PLXNC1: variants seen among roughly 807,000 people sequenced by gnomAD.
The protein encoded by PLXNC1 is plexin-C1.
A neutral mutation model predicts 178.2 loss-of-function variants in PLXNC1; 75 were observed. That is an observed-to-expected ratio of 0.42 (90% CI 0.35 to 0.51). PLXNC1 has a LOEUF of 0.51. Ranked by LOEUF, PLXNC1 falls within the 20% of genes least tolerant of loss-of-function variation. The pLI is 0.02. For synonymous variants in PLXNC1, 790 were observed against 779.9 expected (o/e 1.01, Z -0.22); for missense variants, 1,503 against 1,984.4 (o/e 0.76, Z 4.61).
At position 94,149,988 on chromosome 12, in the gene PLXNC1, C is replaced by T; in HGVS notation, c.1017C>T (p.Arg339=). ...TCAGAATGAGTGAGATCCAGGCGCG[C>T]GCCAAGAGGGTCAGCTGGGACTTCA... is the stretch of plus-strand genomic sequence containing the variant. The part of the protein sequence containing the change: ...CLFRMSEIQA[R]AKRVSWDFKT... The change falls in exon 1 of 31, where the codon CGC becomes CGT. Residue 339 remains arginine (R), a synonymous_variant. Coordinates refer to ENST00000258526, the MANE Select transcript of PLXNC1 (RefSeq NM_005761.3). 6.3e-7 allele frequency: 1 copy of T among 1,595,644 alleles called. No homozygotes were observed. The highest frequency in any genetic ancestry group is 2.3e-5 in the East Asian group (1 of 44,038).
At position 94,248,426 on chromosome 12, in the gene PLXNC1, C is replaced by T; in HGVS notation, c.2778+14C>T. 2 of 1,582,612 alleles carry T rather than the reference C, an allele frequency of 1.3e-6. No homozygotes were observed. The highest frequency in any genetic ancestry group is 8.6e-7 in the Non-Finnish European group (1 of 1,162,610). On this transcript the variant is annotated intron_variant, in intron 14 of 30. Transcript: ENST00000258526. ...AAGAAAGTTCGGGTAAGTGACCTGGCAGTCCCACCTGCTGTCTTTACCTGA... is the reference window on the plus strand; with the variant it reads ...AAGAAAGTTCGGGTAAGTGACCTGGTAGTCCCACCTGCTGTCTTTACCTGA...
chr12:94,185,121 G>A (rs1468299150), intron 3 of PLXNC1, among the ~76,000 whole-genome samples: 3 of 152,208 alleles, frequency 2.0e-5, no homozygotes, highest in Non-Finnish European at 4.4e-5. Flanking sequence ...ATCCATCAGT[G>A]TTACAGAGGC....
intron 3 of PLXNC1, among the ~76,000 whole-genome samples, chr12:94,183,934 A>G (rs1261661059): frequency 6.6e-6 from 1 of 152,200 alleles, no homozygotes; most frequent in Non-Finnish European, 1.5e-5. Flanking sequence ...ACAAAGTCCA[A>G]GGAAGGCTCT....
intron 4 of PLXNC1, among the ~76,000 whole-genome samples, chr12:94,203,602 A>G (rs1329433715): frequency 1.3e-5 from 2 of 152,174 alleles, no homozygotes; most frequent in South Asian, 2.1e-4. Flanking sequence ...AATTAGGTGT[A>G]GTAGTAAGAG....
intron 28 of PLXNC1, among the ~76,000 whole-genome samples, chr12:94,302,056 T>C (rs1380590328): frequency 1.3e-5 from 2 of 152,156 alleles, no homozygotes; most frequent in Non-Finnish European, 2.9e-5. Flanking sequence ...CCTTCTAAAC[T>C]TTTCCTTTTC....
intron 4 of PLXNC1, among the ~76,000 whole-genome samples, chr12:94,195,773 T>C (rs1240799923): frequency 6.6e-6 from 1 of 152,190 alleles, no homozygotes; most frequent in Non-Finnish European, 1.5e-5. Context: ...TCTCGCTCGG[T>C]CTAACAGCAG....
At chr12:94,297,140 T>C in intron 24 of PLXNC1, 49 bp from the exon 25 acceptor site, 1 of 1,600,366 alleles carries the variant, frequency 6.2e-7, no homozygotes, top group Non-Finnish European at 8.6e-7. Context: ...TAGCCCATGG[T>C]TGCTTTTTTT....
At chr12:94,177,600 G>T (rs1335112739) in intron 2 of PLXNC1, among the ~76,000 whole-genome samples, 2 of 148,428 alleles carry the variant, frequency 1.3e-5, no homozygotes, top group Non-Finnish European at 2.9e-5. Context: ...AGAAAGGAAG[G>T]GAGAGGAGAG....
chr12:94,199,718 G>C (rs1963049014), intron 4 of PLXNC1, among the ~76,000 whole-genome samples: 1 of 152,210 alleles, frequency 6.6e-6, no homozygotes, highest in Non-Finnish European at 1.5e-5. Context: ...CTCCACCCTT[G>C]GTGTCCCAGA....
In PLXNC1 at chr12:94,259,752, G is replaced by A; in HGVS notation, c.3251+18G>A. ...AAGGACAGGTATTAGTCCATTCTTT[G>A]ATGTTTTAAAAGCCTTTAAGAAAAA... is the stretch of plus-strand genomic sequence containing the variant. On this transcript the variant is annotated intron_variant, in intron 19 of 30. Transcript: ENST00000258526. 1 of 1,579,628 alleles carries A rather than the reference G, an allele frequency of 6.3e-7. No individual in the cohort carries two copies. The highest frequency in any genetic ancestry group is 8.6e-7 in the Non-Finnish European group (1 of 1,166,232).
chr12:94,221,108 G>A (rs1324681956), intron 6 of PLXNC1, among the ~76,000 whole-genome samples: 1 of 152,226 alleles, frequency 6.6e-6, no homozygotes, highest in Admixed American at 6.5e-5. Flanking sequence ...ATTACAGAAA[G>A]GTTCCATTGT....
chr12:94,202,580 C>G (rs1963173194), intron 4 of PLXNC1, among the ~76,000 whole-genome samples: 1 of 152,206 alleles, frequency 6.6e-6, no homozygotes, highest in African/African-American at 2.4e-5. Flanking sequence ...TAGAGGAAGA[C>G]ACTGAAATAG....
chr12:94,220,245 A>G, intron 6 of PLXNC1, 82 bp downstream of exon 6: 7 of 1,368,906 alleles, frequency 5.1e-6, no homozygotes, highest in Non-Finnish European at 7.2e-6. Context: ...CCCAAGGAAT[A>G]TGAATAGTTC....
intron 3 of PLXNC1, among the ~76,000 whole-genome samples, chr12:94,185,738 C>G (rs1052377921): frequency 1.3e-5 from 2 of 152,242 alleles, no homozygotes; most frequent in African/African-American, 4.8e-5. Context: ...GGCCTCGTCC[C>G]TGGTCCTCCT....
chr12:94,301,104 A>G (rs771344266), intron 28 of PLXNC1, 47 bp downstream of exon 28: 10 of 1,556,618 alleles, frequency 6.4e-6, no homozygotes, highest in Non-Finnish European at 8.8e-6. Context: ...TATGAGTTTG[A>G]CATACTTGTC....
At chr12:94,193,762 G>A (rs1037929255) in intron 4 of PLXNC1, among the ~76,000 whole-genome samples, 7 of 152,176 alleles carry the variant, frequency 4.6e-5, no homozygotes, top group African/African-American at 1.7e-4. Context: ...AGCGGAAGGA[G>A]TGCAGGCATC....
intron 3 of PLXNC1, among the ~76,000 whole-genome samples, chr12:94,183,844 GC>G (rs1345928014): frequency 1.3e-5 from 2 of 152,194 alleles, no homozygotes; most frequent in Non-Finnish European, 2.9e-5. Context: ...AAGCTGGTTA[GC>G]CCTGCATTCT....
At chr12:94,294,166 T>C (rs374176726) in intron 23 of PLXNC1, among the ~76,000 whole-genome samples, 14 of 152,264 alleles carry the variant, frequency 9.2e-5, no homozygotes, top group African/African-American at 3.4e-4. Context: ...CACAGCTCAG[T>C]CTTCCCCTCT....
At chr12:94,296,082 G>A (rs1967891919) in intron 24 of PLXNC1, among the ~76,000 whole-genome samples, 1 of 152,118 alleles carries the variant, frequency 6.6e-6, no homozygotes, top group Non-Finnish European at 1.5e-5. Flanking sequence ...TACACCACCA[G>A]TAATCTCTTT....
Sources: allele counts gnomAD v4.1 joint callset (sites outside exome capture counted in the v4.1 genomes callset), GRCh38; gene constraint gnomAD v4.1.1; transcripts MANE v1.5; gene names NCBI Gene and HGNC (gene_info 2026-07-23, HGNC 2026-07-21).